Variants in ABHD6 observed in about 807,000 individuals in gnomAD.
ABHD6 encodes abhydrolase domain containing 6, acylglycerol lipase, also known as monoacylglycerol lipase ABHD6.
In ABHD6, 33 loss-of-function variants were observed where a neutral mutation model predicts 38.8. That is an observed-to-expected ratio of 0.85 (90% CI 0.64 to 1.14). The LOEUF (loss-of-function observed/expected upper bound fraction) is 1.14. ABHD6 is among the 50% of genes most tolerant of loss of function. The pLI is 0.00. For synonymous variants in ABHD6, 147 were observed against 161.6 expected, an observed-to-expected ratio of 0.91 and a Z score of 0.69; for missense variants, 380 against 422.6, an observed-to-expected ratio of 0.90 and a Z score of 0.88.
At chr3:58,253,256 G>A (rs1260528980) in intron 2 of ABHD6, among the ~76,000 whole-genome samples, 1 of 151,808 alleles carries the variant, frequency 6.6e-6, no homozygotes, top group Non-Finnish European at 1.5e-5. Flanking sequence ...GGCATAAACT[G>A]TTCTAATTCC....
chr3:58,292,895 G>A (rs1013332167), intron 9 of ABHD6, among the ~76,000 whole-genome samples: 5 of 152,120 alleles, frequency 3.3e-5, no homozygotes, highest in African/African-American at 1.2e-4. Context: ...CAGCCTGGGC[G>A]AAAGAGTGAA....
chr3:58,289,633 C>T (rs369888386), intron 9 of ABHD6, among the ~76,000 whole-genome samples: 30 of 152,332 alleles, frequency 2.0e-4, no homozygotes, highest in Admixed American at 6.5e-4. Context: ...CCATGTCTAC[C>T]TCTTTCTACA....
intron 2 of ABHD6, among the ~76,000 whole-genome samples, chr3:58,253,687 G>A (rs183618334): frequency 6.6e-5 from 10 of 152,314 alleles, no homozygotes; most frequent in Non-Finnish European, 1.3e-4. Context: ...TGACACTGAG[G>A]AAGAACATAC....
chr3:58,243,586 T>G lies in ABHD6; in HGVS notation c.-91+5670T>G, dbSNP rs1193874316. Among the ~76,000 whole-genome samples the G allele has an allele frequency of 1.3e-5, 2 of 151,668 alleles. 1 individual carries two copies. The highest frequency in any genetic ancestry group is 4.8e-5 in the African/African-American group (2 of 41,258). On this transcript the variant is annotated intron_variant, in intron 1 of 9. Coordinates refer to ENST00000478253, the MANE Select transcript of ABHD6 (RefSeq NM_001320126.2). The stretch of plus-strand genomic sequence containing the variant: ...AAACAGAAAGCCAGTGCAGGTATAG[T>G]CATGAGAAAGTCAGATTATTAAGTG...
rs115661863 is a variant in ABHD6, at chr3:58,294,490, C to A, written c.*725C>A. ...ATAATTTATTATTTTTAAAAATAGG[C>A]CTAATAAAGCAATAATGTTCTAGAC... is the stretch of plus-strand genomic sequence containing the variant. On this transcript the variant is annotated 3_prime_UTR_variant, in exon 10 of 10. Transcript: ENST00000478253. 7.5e-4 allele frequency: 115 copies of A among 152,684 alleles called. 1 individual carries two copies. Among genetic ancestry groups the A allele is most frequent in the African/African-American group, 2.7e-3 (112 of 41,552 alleles). The allele number at this position is 152,684 out of a possible 1,614,324, so 9.5% of individuals were successfully genotyped here. A position where few individuals can be genotyped will look rare whatever the true frequency, so the allele number is the denominator to read the frequency against.
At position 58,241,376 on chromosome 3, in the gene ABHD6, G is replaced by T. The variant is rs972506100; in HGVS notation, c.-91+3460G>T. ...GGTGTTGCTGCCTGTGGCTGGATGGGTTTGGGGTCTGTCATGAGCTTCTGT... is the reference window on the plus strand; with the variant it reads ...GGTGTTGCTGCCTGTGGCTGGATGGTTTTGGGGTCTGTCATGAGCTTCTGT... On this transcript the variant is annotated intron_variant, in intron 1 of 9. Transcript: ENST00000478253. Among the ~76,000 whole-genome samples the T allele has an allele frequency of 2.0e-5, 3 of 152,284 alleles. No individual in the cohort carries two copies. In the East Asian group the frequency reaches 5.8e-4, roughly 29 times the overall value.
At chr3:58,240,570 A>T (rs542100461) in intron 1 of ABHD6, among the ~76,000 whole-genome samples, 110 of 150,124 alleles carry the variant, frequency 7.3e-4, no homozygotes, top group Admixed American at 4.8e-3. Flanking sequence ...TCTTAAAAAA[A>T]TTTTTTTTTT....
At chr3:58,246,267 T>C (rs2097426326) in intron 1 of ABHD6, among the ~76,000 whole-genome samples, 1 of 152,154 alleles carries the variant, frequency 6.6e-6, no homozygotes, top group Non-Finnish European at 1.5e-5. Flanking sequence ...AAGCAGGCGG[T>C]TATTCCAGAC....
intron 7 of ABHD6, among the ~76,000 whole-genome samples, chr3:58,281,350 G>C (rs2097453078): frequency 6.6e-6 from 1 of 152,236 alleles, no homozygotes; most frequent in Non-Finnish European, 1.5e-5. Context: ...TTCAATCTCA[G>C]ACTGCTGTGC....
At chr3:58,248,134 T>G (rs1175533101) in intron 1 of ABHD6, among the ~76,000 whole-genome samples, 3 of 152,150 alleles carry the variant, frequency 2.0e-5, no homozygotes, top group Non-Finnish European at 4.4e-5. Flanking sequence ...TGTTCCATGC[T>G]TTTTTGAGTT....
chr3:58,278,728 G>T (rs948299170), intron 7 of ABHD6, among the ~76,000 whole-genome samples: 15 of 152,120 alleles, frequency 9.9e-5, no homozygotes, highest in African/African-American at 3.6e-4. Flanking sequence ...GCTTTCTCTT[G>T]TGGGCATTTA....
chr3:58,290,509 T>G (rs1289971819), intron 9 of ABHD6, among the ~76,000 whole-genome samples: 3 of 113,094 alleles, frequency 2.7e-5, no homozygotes, highest in East Asian at 3.6e-4. Flanking sequence ...GCGGCTGGCC[T>G]GGCAGGGGCT....
In ABHD6 at chr3:58,256,785, G is replaced by C; in HGVS notation, c.119+80G>C. ...TCTGCTTGTCCTTTTTGTGGTTATT[G>C]TCCAACATTTTATCAGGAAGTATTT... is the stretch of plus-strand genomic sequence containing the variant. On this transcript the variant is annotated intron_variant, in intron 3 of 9. Coordinates refer to ENST00000478253, the MANE Select transcript of ABHD6 (RefSeq NM_001320126.2). The surrounding 1 kb of genome is among the most constrained non-coding windows in gnomAD (Gnocchi z 4.3). 8.6e-7 allele frequency: 1 copy of C among 1,165,482 alleles called. No individual in the cohort carries two copies. The highest frequency in any genetic ancestry group is 1.2e-6 in the Non-Finnish European group (1 of 800,726). The allele number at this position is 1,165,482 out of a possible 1,614,324, so 72.2% of individuals were successfully genotyped here.
chr3:58,286,023 T>A (rs1488916674), intron 9 of ABHD6, among the ~76,000 whole-genome samples: 1 of 68,200 alleles, frequency 1.5e-5, no homozygotes, highest in East Asian at 1.9e-3. Flanking sequence ...TTTTGTTCTT[T>A]TGTTTTTTTT....
At position 58,273,139 on chromosome 3, in the gene ABHD6, G is replaced by A. The variant is rs145809715; in HGVS notation, c.524-1519G>A. ...ATAATGTCATCTGCTTCATGGCATC[G>A]TGAAAGCCATACATCATACCCATGT... On this transcript the variant is annotated intron_variant, in intron 6 of 9. Transcript: ENST00000478253. The surrounding 1 kb of genome is among the most constrained non-coding windows in gnomAD (Gnocchi z 4.8). 1.3e-5 allele frequency among the ~76,000 whole-genome samples: 2 copies of A among 152,240 alleles called. No individual in the cohort carries two copies. Among genetic ancestry groups the A allele is most frequent in the African/African-American group, 2.4e-5 (1 of 41,538 alleles).
rs1189160898 is a variant in ABHD6, at chr3:58,293,379, G to A, written c.838-210G>A. Reference sequence around the variant, plus strand: ...TATTGCTGACATCAGCCCAACTCCTGGCACAGAGTTGCAGAATAAAACAGG... The same window carrying A: ...TATTGCTGACATCAGCCCAACTCCTAGCACAGAGTTGCAGAATAAAACAGG... On this transcript the variant is annotated intron_variant, in intron 9 of 9. Transcript: ENST00000478253. The surrounding 1 kb of genome is among the most constrained non-coding windows in gnomAD (Gnocchi z 4.4). Among the ~76,000 whole-genome samples, 1 of 152,138 alleles carries A rather than the reference G, an allele frequency of 6.6e-6. No homozygotes were observed. Among genetic ancestry groups the A allele is most frequent in the African/African-American group, 2.4e-5 (1 of 41,410 alleles).
At position 58,293,769 on chromosome 3, in the gene ABHD6, C is replaced by T. The variant is rs1195843561; in HGVS notation, c.*4C>T. 3 of 1,613,324 alleles carry T rather than the reference C, an allele frequency of 1.9e-6. No homozygotes were observed. Among genetic ancestry groups the T allele is most frequent in the Admixed American group, 3.3e-5 (2 of 59,988 alleles). ...CAACAACAAGAAGCTGGACTGAGGCCCCGACTGCAGCCTGCATTCTGCACA... is the reference window on the plus strand; with the variant it reads ...CAACAACAAGAAGCTGGACTGAGGCTCCGACTGCAGCCTGCATTCTGCACA... On this transcript the variant is annotated 3_prime_UTR_variant, in exon 10 of 10. Coordinates refer to ENST00000478253, the MANE Select transcript of ABHD6 (RefSeq NM_001320126.2). The surrounding 1 kb of genome is among the most constrained non-coding windows in gnomAD (Gnocchi z 4.4).
rs1432739393 is a variant in ABHD6 at position 58,251,746 on chromosome 3, A to G, written c.-26+1804A>G. 1.3e-5 allele frequency among the ~76,000 whole-genome samples: 2 copies of G among 152,172 alleles called. No homozygotes were observed. Among genetic ancestry groups the G allele is most frequent in the Admixed American group, 6.5e-5 (1 of 15,276 alleles). On this transcript the variant is annotated intron_variant, in intron 2 of 9. Transcript: ENST00000478253. The surrounding 1 kb of genome is among the most constrained non-coding windows in gnomAD (Gnocchi z 5.4). ...TCCTTCCTGGCATTGCCTGCTTCAC[A>G]CTGTGCCGCAGTGTCTTTAACCCTG...
At chr3:58,281,458 A>G (rs1430511479) in intron 7 of ABHD6, among the ~76,000 whole-genome samples, 4 of 152,096 alleles carry the variant, frequency 2.6e-5, no homozygotes, top group African/African-American at 4.8e-5. Context: ...GGAAAAGTGC[A>G]GTATTTGGGC....
Sources: gnomAD v4.1 joint callset for allele counts (sites outside exome capture counted in the v4.1 genomes callset) on GRCh38, gnomAD v4.1.1 for gene constraint, Gnocchi (gnomAD v3.1) non-coding constraint, MANE v1.5 for transcripts, NCBI Gene and HGNC (gene_info 2026-07-23, HGNC 2026-07-21) for gene names.